The following PTPRT variants were observed in gnomAD, a reference collection of about 807,000 sequenced individuals.
PTPRT encodes receptor-type tyrosine-protein phosphatase T.
In PTPRT, 56 loss-of-function variants were observed where a neutral mutation model predicts 176.8. The ratio of observed to expected loss-of-function variants is 0.32; its 90% CI spans 0.26 to 0.40. The LOEUF (loss-of-function observed/expected upper bound fraction) is 0.40, where lower values mean the gene tolerates loss of function less well. Ranked by LOEUF, PTPRT falls within the 10% of genes least tolerant of loss-of-function variation. The pLI, the probability that PTPRT is intolerant of heterozygous loss-of-function variation, is 1.00. For synonymous variants in PTPRT, 783 were observed against 739.0 expected, an observed-to-expected ratio of 1.06 and a Z score of -0.96; for missense variants, 1,540 against 1,908.2, an observed-to-expected ratio of 0.81 and a Z score of 3.60.
intron 2 of PTPRT, among the ~76,000 whole-genome samples, chr20:42,833,393 G>A (rs555219625): frequency 4.7e-5 from 7 of 148,704 alleles, no homozygotes; most frequent in African/African-American, 1.5e-4. Context: ...ATAACATAGC[G>A]AGACCCCCCA....
chr20:42,299,641 C>CTTTTTTTTTTTT (rs34045854), intron 12 of PTPRT, among the ~76,000 whole-genome samples: 5 of 85,986 alleles, frequency 5.8e-5, no homozygotes, highest in Admixed American at 1.5e-4. Context: ...GAACTTTTGC[C>CTTTTTTTTTTTT]TTTTTTTTTT....
chr20:42,108,041 A>AG (rs1491559094), intron 23 of PTPRT, among the ~76,000 whole-genome samples: 239 of 105,826 alleles, frequency 2.3e-3, no homozygotes, highest in East Asian at 7.0e-3. Flanking sequence ...GAGGGAGTAT[A>AG]GGGGGGGTCA....
chr20:43,142,286 G>A (rs2014034328), intron 1 of PTPRT, among the ~76,000 whole-genome samples: 1 of 152,244 alleles, frequency 6.6e-6, no homozygotes, highest in Admixed American at 6.5e-5. Context: ...ACAAGGTTGT[G>A]AGCCAGCACA....
intron 17 of PTPRT, among the ~76,000 whole-genome samples, chr20:42,145,548 G>A (rs117749398): frequency 3.1e-5 from 3 of 96,258 alleles, no homozygotes; most frequent in Non-Finnish European, 6.6e-5. Context: ...ATAGATAGAT[G>A]GATGTTGGGC....
chr20:43,026,368 G>A (rs1033404986), intron 1 of PTPRT, among the ~76,000 whole-genome samples: 9 of 152,024 alleles, frequency 5.9e-5, no homozygotes, highest in Admixed American at 2.0e-4. Context: ...TGCCTGCCTC[G>A]GCCTCGCAAA....
intron 8 of PTPRT, among the ~76,000 whole-genome samples, chr20:42,460,720 T>C (rs895146760): frequency 2.0e-5 from 3 of 152,244 alleles, no homozygotes; most frequent in Admixed American, 6.5e-5. Flanking sequence ...CCAACGTTCA[T>C]TCTCCTTTTT....
At chr20:42,547,627 T>C (rs534000663) in intron 7 of PTPRT, among the ~76,000 whole-genome samples, 2 of 152,202 alleles carry the variant, frequency 1.3e-5, no homozygotes, top group African/African-American at 4.8e-5. Context: ...TTAAAGGTTA[T>C]ACCTAAAACC....
intron 27 of PTPRT, among the ~76,000 whole-genome samples, chr20:42,091,485 T>G (rs548523941): frequency 6.6e-6 from 1 of 152,308 alleles, no homozygotes; most frequent in South Asian, 2.1e-4. Flanking sequence ...AAAAATACTT[T>G]GATAAAATGG....
chr20:43,018,644 T>C (rs1265311694), intron 1 of PTPRT, among the ~76,000 whole-genome samples: 2 of 152,190 alleles, frequency 1.3e-5, no homozygotes, highest in Non-Finnish European at 2.9e-5. Context: ...AGTGTGCTTA[T>C]CAACCAACCA....
At chr20:42,835,777 A>C (rs966979516) in intron 2 of PTPRT, among the ~76,000 whole-genome samples, 8 of 152,026 alleles carry the variant, frequency 5.3e-5, no homozygotes, top group Non-Finnish European at 1.0e-4. Flanking sequence ...TTTCTATCTT[A>C]ATAATCAACA....
chr20:42,355,434 C>A (rs930520884), intron 9 of PTPRT, among the ~76,000 whole-genome samples: 14 of 152,176 alleles, frequency 9.2e-5, no homozygotes, highest in Non-Finnish European at 1.5e-4. Flanking sequence ...AGGAAAAATG[C>A]TCGTGGAGGT....
At chr20:43,129,458 C>A (rs2013568429) in intron 1 of PTPRT, among the ~76,000 whole-genome samples, 1 of 152,066 alleles carries the variant, frequency 6.6e-6, no homozygotes, top group Non-Finnish European at 1.5e-5. Flanking sequence ...CTGCCACACC[C>A]TTTCTGAGCC....
chr20:42,639,614 C>A (rs1204578582), intron 7 of PTPRT, among the ~76,000 whole-genome samples: 1 of 152,082 alleles, frequency 6.6e-6, no homozygotes, highest in Non-Finnish European at 1.5e-5. Context: ...AGAACTTTCC[C>A]TAAAGTCTCC....
chr20:43,110,051 G>A (rs2146339766), intron 1 of PTPRT, among the ~76,000 whole-genome samples: 1 of 152,246 alleles, frequency 6.6e-6, no homozygotes, highest in Non-Finnish European at 1.5e-5. Flanking sequence ...AGCTTATAAA[G>A]AAAAATTGTT....
intron 2 of PTPRT, among the ~76,000 whole-genome samples, chr20:42,863,011 G>C (rs2078687879): frequency 6.6e-6 from 1 of 152,182 alleles, no homozygotes; most frequent in South Asian, 2.1e-4. Flanking sequence ...TTACACTAAT[G>C]GGGTAAGGCA....
intron 1 of PTPRT, among the ~76,000 whole-genome samples, chr20:42,944,396 T>G (rs959809100): frequency 1.3e-5 from 2 of 152,176 alleles, no homozygotes; most frequent in Non-Finnish European, 2.9e-5. Flanking sequence ...GTGACACTCC[T>G]GGAACAAAAA....
intron 7 of PTPRT, among the ~76,000 whole-genome samples, chr20:42,633,994 A>G (rs2074502542): frequency 4.3e-5 from 1 of 23,408 alleles, no homozygotes; most frequent in Admixed American, 8.1e-4. Context: ...ATTATATTAT[A>G]TATATTATAT....
At chr20:43,140,850 C>G (rs1600742325) in intron 1 of PTPRT, among the ~76,000 whole-genome samples, 1 of 152,288 alleles carries the variant, frequency 6.6e-6, no homozygotes, top group East Asian at 1.9e-4. Context: ...CTCCCAACCA[C>G]CAGAGCTGTG....
At chr20:43,125,756 T>G (rs190824748) in intron 1 of PTPRT, among the ~76,000 whole-genome samples, 4 of 152,350 alleles carry the variant, frequency 2.6e-5, no homozygotes, top group Non-Finnish European at 5.9e-5. Context: ...TCAAAGGGGA[T>G]TCTGAAGCCC....
Sources: allele counts gnomAD v4.1 joint callset (sites outside exome capture counted in the v4.1 genomes callset), GRCh38; gene constraint gnomAD v4.1.1; transcripts MANE v1.5; gene names NCBI Gene and HGNC (gene_info 2026-07-23, HGNC 2026-07-21).